The following NUMBL variants were observed in gnomAD, a reference collection of about 807,000 sequenced individuals.
The protein encoded by NUMBL is NUMB like endocytic adaptor protein, also known as numb-like protein.
Under a neutral mutation model 48.9 loss-of-function variants are expected in NUMBL, and 20 were observed. The ratio of observed to expected loss-of-function variants is 0.41; its 90% CI spans 0.29 to 0.59. The LOEUF (loss-of-function observed/expected upper bound fraction) is 0.59. NUMBL is among the 20% of genes least tolerant of loss of function. The pLI is 0.31. For synonymous variants in NUMBL, 340 were observed against 348.7 expected (o/e 0.98, Z 0.28); for missense variants, 660 against 846.2 (o/e 0.78, Z 2.73).
rs556496679 is a variant in NUMBL, at chr19:40,667,235, C to T, written c.*233G>A. The T allele has an allele frequency of 2.4e-5, 14 of 578,980 alleles. No individual in the cohort carries two copies. Among genetic ancestry groups the T allele is most frequent in the Non-Finnish European group, 3.3e-5 (11 of 335,118 alleles). 35.9% of individuals were successfully genotyped at this position (578,980 alleles called of 1,614,324 possible). A position where few individuals can be genotyped will look rare whatever the true frequency, so the allele number is the denominator to read the frequency against. On this transcript the variant is annotated 3_prime_UTR_variant, in exon 10 of 10. Transcript: ENST00000252891. This position sits in a 1 kb window ranked among gnomAD's most constrained non-coding sequence, Gnocchi z 6.1. Reference sequence around the variant, plus strand: ...GAAGGGGGCATTGCCAGCCTAAGTCCGGCAGTGAAATGGTTCCCTTAGCCA... The same window carrying T: ...GAAGGGGGCATTGCCAGCCTAAGTCTGGCAGTGAAATGGTTCCCTTAGCCA...
chr19:40,690,609 G>T lies in NUMBL; in HGVS notation c.-126C>A. On this transcript the variant is annotated 5_prime_UTR_variant, in exon 1 of 10. Transcript: ENST00000252891. ...CCAGGGCCCGGGGCCGGGGGATGGT[G>T]CGGGATGCACGCGCGCGAGCCTCCT... is the stretch of plus-strand genomic sequence containing the variant. 1 of 474,184 alleles carries T rather than the reference G, an allele frequency of 2.1e-6. No homozygotes were observed. The highest frequency in any genetic ancestry group is 4.0e-5 in the East Asian group (1 of 25,096). 29.4% of individuals were successfully genotyped at this position (474,184 alleles called of 1,614,324 possible). A position where few individuals can be genotyped will look rare whatever the true frequency, so the allele number is the denominator to read the frequency against.
chr19:40,676,325 T>A (rs530425931), intron 7 of NUMBL, among the ~76,000 whole-genome samples: 141 of 152,038 alleles, frequency 9.3e-4, no homozygotes, highest in Middle Eastern at 6.8e-3. Context: ...CCCAGCAGTT[T>A]GAGGCTGCAG....
intron 3 of NUMBL, among the ~76,000 whole-genome samples, chr19:40,683,279 T>G (rs2081915259): frequency 6.6e-6 from 1 of 152,174 alleles, no homozygotes; most frequent in Non-Finnish European, 1.5e-5. Flanking sequence ...CCACAGGCCA[T>G]GCAAAGCTGC....
intron 8 of NUMBL, among the ~76,000 whole-genome samples, chr19:40,672,941 A>G (rs911958403): frequency 6.6e-6 from 1 of 152,088 alleles, no homozygotes; most frequent in South Asian, 2.1e-4. Flanking sequence ...GAGCAAAAAC[A>G]GGCCAATGGT....
intron 3 of NUMBL, among the ~76,000 whole-genome samples, chr19:40,683,281 C>T (rs963288327): frequency 1.3e-5 from 2 of 152,168 alleles, no homozygotes; most frequent in East Asian, 3.9e-4. Context: ...ACAGGCCATG[C>T]AAAGCTGCTT....
intron 6 of NUMBL, among the ~76,000 whole-genome samples, chr19:40,679,428 C>T (rs1054101421): frequency 1.3e-5 from 2 of 151,844 alleles, no homozygotes; most frequent in Non-Finnish European, 2.9e-5. Context: ...CCTATAATCC[C>T]AGCACTTTGG....
In NUMBL at chr19:40,682,985, T is replaced by G. The variant is rs1228790381; in HGVS notation, c.250-17A>C. ...ACCCAGGTACTTGGGTTGGAGGGAA[T>G]GGGGGGGGGGACATGAAACAGCACA... On this transcript the variant is annotated splice_polypyrimidine_tract_variant and intron_variant, in intron 3 of 9. Transcript: ENST00000252891. This position sits in a 1 kb window ranked among gnomAD's most constrained non-coding sequence, Gnocchi z 4.0. 9.2e-5 allele frequency: 133 copies of G among 1,443,962 alleles called. No homozygotes were observed. The highest frequency in any genetic ancestry group is 1.1e-4 in the Non-Finnish European group (117 of 1,050,510). 89.4% of individuals were successfully genotyped at this position (1,443,962 alleles called of 1,614,324 possible). A position where few individuals can be genotyped will look rare whatever the true frequency, so the allele number is the denominator to read the frequency against.
rs1271330189 is a variant in NUMBL at position 40,666,638 on chromosome 19, T to C, written c.*830A>G. On this transcript the variant is annotated 3_prime_UTR_variant, in exon 10 of 10. Coordinates refer to ENST00000252891, the MANE Select transcript of NUMBL (RefSeq NM_004756.5). ...TCAGTCCATGACTCAGGAGGAAAGG[T>C]TCTAGGGCCTCACCAGCGCCCTACA... 6.6e-6 allele frequency: 1 copy of C among 152,456 alleles called. No homozygotes were observed. The highest frequency in any genetic ancestry group is 1.9e-4 in the East Asian group (1 of 5,182). 9.4% of individuals were successfully genotyped at this position (152,456 alleles called of 1,614,324 possible). A position where few individuals can be genotyped will look rare whatever the true frequency, so the allele number is the denominator to read the frequency against.
At position 40,688,683 on chromosome 19, in the gene NUMBL, T is replaced by C. The variant is rs1000505614; in HGVS notation, c.25-1688A>G. Among the ~76,000 whole-genome samples the C allele has an allele frequency of 6.6e-6, 1 of 152,174 alleles. No individual in the cohort carries two copies. The highest frequency in any genetic ancestry group is 1.5e-5 in the Non-Finnish European group (1 of 68,040). ...GTCAAACACAATAATATGGAAGCCATAATCATATACACACCCCTACAAACA... is the reference window on the plus strand; with the variant it reads ...GTCAAACACAATAATATGGAAGCCACAATCATATACACACCCCTACAAACA... On this transcript the variant is annotated intron_variant, in intron 1 of 9. Coordinates refer to ENST00000252891, the MANE Select transcript of NUMBL (RefSeq NM_004756.5). The surrounding 1 kb of genome is among the most constrained non-coding windows in gnomAD (Gnocchi z 4.6).
rs996842827 is a variant in NUMBL at position 40,686,374 on chromosome 19, G to T, written c.109+537C>A. 7.0e-5 allele frequency among the ~76,000 whole-genome samples: 9 copies of T among 127,864 alleles called. No individual in the cohort carries two copies. The South Asian group carries it at 2.1e-3, about 30-fold the overall frequency. The allele number at this position is 127,864 out of a possible 152,430, so 83.9% of individuals were successfully genotyped here. A position where few individuals can be genotyped will look rare whatever the true frequency, so the allele number is the denominator to read the frequency against. On this transcript the variant is annotated intron_variant, in intron 2 of 9. Transcript: ENST00000252891. ...TCTCCATGTTGGTCAGGCTGGTCTC[G>T]AACTCCTGACCTCCTGACCTCAGGT...
chr19:40,686,952 C>A lies in NUMBL; in HGVS notation c.68G>T (p.Cys23Phe). ...RPERHLPPAP[C>F]GAPGPPETCR... ...GGTTTCTGGGGGCCCCGGGGCCCCA[C>A]AGGGGGCTGGGGGCAGGTGCCGCTC... The change falls in exon 2 of 10, where the codon TGT becomes TTT. Residue 23 changes from cysteine (C) to phenylalanine (F), a missense_variant. Physicochemically the swap from Cys to Phe is radical, Grantham distance 205 (BLOSUM62 -2). Coordinates refer to ENST00000252891, the MANE Select transcript of NUMBL (RefSeq NM_004756.5). The A allele has an allele frequency of 6.5e-7, 1 of 1,543,158 alleles. No individual in the cohort carries two copies.
Position 40,682,994 on chromosome 19 carries a change from G to A in NUMBL, c.250-26C>T. 6.2e-6 allele frequency: 10 copies of A among 1,604,874 alleles called. No homozygotes were observed. Among genetic ancestry groups the A allele is most frequent in the Middle Eastern group, 1.7e-4 (1 of 6,050 alleles). On this transcript the variant is annotated intron_variant, in intron 3 of 9. Transcript: ENST00000252891. This position sits in a 1 kb window ranked among gnomAD's most constrained non-coding sequence, Gnocchi z 4.0. ...CTTGGGTTGGAGGGAATGGGGGGGGGGACATGAAACAGCACAGTAATCACT... is the reference window on the plus strand; with the variant it reads ...CTTGGGTTGGAGGGAATGGGGGGGGAGACATGAAACAGCACAGTAATCACT...
At chr19:40,675,671 A>C (rs1266594579) in intron 7 of NUMBL, among the ~76,000 whole-genome samples, 2 of 150,776 alleles carry the variant, frequency 1.3e-5, no homozygotes, top group Non-Finnish European at 2.9e-5. Context: ...AGTTTTACCA[A>C]GTATGTTTCA....
chr19:40,670,497 C>T (rs930152630), intron 8 of NUMBL, among the ~76,000 whole-genome samples: 5 of 151,920 alleles, frequency 3.3e-5, no homozygotes, highest in Admixed American at 6.5e-5. Flanking sequence ...AGCAGAGATA[C>T]ACCTGTGCCA....
In NUMBL at chr19:40,690,502, C is replaced by A; in HGVS notation, c.-19G>T. ...GGGACATCCAGGGCCCGGGCGCCCC[C>A]GCCTCCCGCGGCCCTGGCTGGGCCT... On this transcript the variant is annotated 5_prime_UTR_variant, in exon 1 of 10. Transcript: ENST00000252891. 7.8e-7 allele frequency: 1 copy of A among 1,274,648 alleles called. No individual in the cohort carries two copies. The allele number at this position is 1,274,648 out of a possible 1,614,324, so 79.0% of individuals were successfully genotyped here.
chr19:40,668,328 T>C (rs1256146691), intron 9 of NUMBL, among the ~76,000 whole-genome samples, 190 bp from the exon 10 acceptor site: 2 of 152,172 alleles, frequency 1.3e-5, no homozygotes, highest in South Asian at 4.1e-4. Flanking sequence ...CTGGACCACG[T>C]AATGGTTCTG....
intron 2 of NUMBL, chr19:40,686,135 C>G (rs1041673709): frequency 1.3e-5 from 2 of 148,306 alleles, no homozygotes; most frequent in African/African-American, 5.0e-5. Context: ...TGTTGTCAGA[C>G]TGTGCAAGAG....
chr19:40,677,240 T>C lies in NUMBL; in HGVS notation c.722A>G (p.Lys241Arg), dbSNP rs2081880990. The change falls in exon 7 of 10, where the codon AAG becomes AGG. Residue 241 changes from lysine to arginine, a missense_variant. Lys to Arg is a conservative substitution (Grantham distance 26). Around this residue, in one of 3 missense-constraint regions of NUMBL, gnomAD observed 278 missense variants for 420.6 expected, o/e 0.66. Transcript: ENST00000252891. Reference protein sequence around the residue: ...GRPAEREAPDKKKAEAAAAPT... With the variant: ...GRPAEREAPDRKKAEAAAAPT... ...CTTGGGGCAACACCCACCTTTCTTC[T>C]TGTCCGGGGCCTCTCGCTCAGCAGG... The C allele has an allele frequency of 6.4e-7, 1 of 1,559,672 alleles. No homozygotes were observed. The highest frequency in any genetic ancestry group is 2.4e-5 in the East Asian group (1 of 41,794).
In NUMBL at chr19:40,667,342, A is replaced by G; in HGVS notation, c.*126T>C. On this transcript the variant is annotated 3_prime_UTR_variant, in exon 10 of 10. Transcript: ENST00000252891. The surrounding 1 kb of genome is among the most constrained non-coding windows in gnomAD (Gnocchi z 6.1). Reference sequence around the variant, plus strand: ...TCTGTAGTGGTTGTCGGGGTGGTTGAGGGAGGGGGGTGTTGAGAGGGTGTT... The same window carrying G: ...TCTGTAGTGGTTGTCGGGGTGGTTGGGGGAGGGGGGTGTTGAGAGGGTGTT... 7.5e-7 allele frequency: 1 copy of G among 1,341,856 alleles called. No homozygotes were observed. Among genetic ancestry groups the G allele is most frequent in the Non-Finnish European group, 1.0e-6 (1 of 1,003,668 alleles). The allele number at this position is 1,341,856 out of a possible 1,614,324, so 83.1% of individuals were successfully genotyped here. A position where few individuals can be genotyped will look rare whatever the true frequency, so the allele number is the denominator to read the frequency against.
Sources: allele counts gnomAD v4.1 joint callset (sites outside exome capture counted in the v4.1 genomes callset), GRCh38; gene constraint gnomAD v4.1.1; regional missense constraint gnomAD v4.1.1; non-coding constraint Gnocchi (gnomAD v3.1); transcripts MANE v1.5; gene names NCBI Gene and HGNC (gene_info 2026-07-23, HGNC 2026-07-21).